NRF1: variants seen among roughly 807,000 people sequenced by gnomAD.
NRF1 encodes alpha palindromic-binding protein.
In NRF1, 5 loss-of-function variants were observed where a neutral mutation model predicts 58.5. The ratio of observed to expected loss-of-function variants is 0.09; its 90% CI spans 0.04 to 0.18. The LOEUF (loss-of-function observed/expected upper bound fraction) is 0.18. NRF1 is among the 10% of genes least tolerant of loss of function. NRF1 has a pLI of 1.00. For missense variants in NRF1, 288 were observed against 657.7 expected (o/e 0.44, Z 6.15); for synonymous variants, 224 against 246.7 (o/e 0.91, Z 0.86).
chr7:129,630,066 AT>A (rs1267580477), intron 1 of NRF1: 9 of 152,236 alleles, frequency 5.9e-5, no homozygotes, highest in African/African-American at 1.9e-4. Flanking sequence ...TCATCCTAAT[AT>A]CCCCTTTCAG....
chr7:129,713,606 C>T (rs1803125302), intron 8 of NRF1, among the ~76,000 whole-genome samples: 1 of 152,208 alleles, frequency 6.6e-6, no homozygotes, highest in Admixed American at 6.5e-5. Flanking sequence ...GTGCCAGGCA[C>T]TGTAGAGACT....
chr7:129,752,185 T>G (rs1407877087), intron 10 of NRF1, among the ~76,000 whole-genome samples: 4 of 152,202 alleles, frequency 2.6e-5, no homozygotes, highest in Non-Finnish European at 5.9e-5. Flanking sequence ...TCCCTGGGCC[T>G]CCTGTGAATC....
intron 4 of NRF1, among the ~76,000 whole-genome samples, chr7:129,687,853 A>T (rs189339744): frequency 6.6e-6 from 1 of 152,358 alleles, no homozygotes; most frequent in Non-Finnish European, 1.5e-5. Flanking sequence ...TGAGGTCAGT[A>T]ATTCTGAGAA....
intron 4 of NRF1, among the ~76,000 whole-genome samples, chr7:129,686,656 A>G (rs970025156): frequency 1.8e-4 from 27 of 152,406 alleles, no homozygotes; most frequent in East Asian, 9.6e-4. Flanking sequence ...TAAGTGCTCA[A>G]TAAACGGTGT....
intron 1 of NRF1, among the ~76,000 whole-genome samples, chr7:129,646,106 G>C (rs1013920602): frequency 6.6e-6 from 1 of 152,114 alleles, no homozygotes; most frequent in Non-Finnish European, 1.5e-5. Flanking sequence ...TGCCTCCCAA[G>C]GTGTTAGGAT....
At chr7:129,735,580 C>T (rs549285655) in intron 10 of NRF1, among the ~76,000 whole-genome samples, 1 of 152,272 alleles carries the variant, frequency 6.6e-6, no homozygotes, top group East Asian at 1.9e-4. Flanking sequence ...GATGACAAGG[C>T]ATTGTCATTA....
chr7:129,652,541 T>C (rs1801559763), intron 1 of NRF1, among the ~76,000 whole-genome samples: 1 of 152,210 alleles, frequency 6.6e-6, no homozygotes, highest in African/African-American at 2.4e-5. Context: ...TAATACAGGC[T>C]GGTTATATTA....
chr7:129,616,769 T>C (rs1800668389), intron 1 of NRF1, among the ~76,000 whole-genome samples: 1 of 152,192 alleles, frequency 6.6e-6, no homozygotes, highest in Non-Finnish European at 1.5e-5. Flanking sequence ...ATAGTTTGTG[T>C]AAAACTCCAA....
chr7:129,696,084 A>AAAC (rs56241025), intron 5 of NRF1, among the ~76,000 whole-genome samples: 26,405 of 110,704 alleles, frequency 0.24, 5,302 homozygotes, highest in East Asian at 0.51. Flanking sequence ...AAAAAAAAAA[A>AAAC]AACAACCAAA....
chr7:129,703,523 C>G (rs1243761945), intron 5 of NRF1, among the ~76,000 whole-genome samples: 1 of 152,064 alleles, frequency 6.6e-6, no homozygotes, highest in Non-Finnish European at 1.5e-5. Context: ...TATTAATAGT[C>G]TCTTTAGCCT....
Position 129,651,293 on chromosome 7 carries a change from A to G in NRF1, c.-6-6053A>G, listed in dbSNP as rs185021654. Among the ~76,000 whole-genome samples, 3 of 152,060 alleles carry G rather than the reference A, an allele frequency of 2.0e-5. No individual in the cohort carries two copies. The East Asian group carries it at 5.8e-4, about 29-fold the overall frequency. On this transcript the variant is annotated intron_variant, in intron 1 of 10. Transcript: ENST00000393232. Reference sequence around the variant, plus strand: ...AAAAATCAGCTGGGCTTGGTGGTGCACTTGTAATCCTAGCTACTTGGGAGG... The same window carrying G: ...AAAAATCAGCTGGGCTTGGTGGTGCGCTTGTAATCCTAGCTACTTGGGAGG...
chr7:129,731,995 C>T (rs1182385193), intron 10 of NRF1, among the ~76,000 whole-genome samples: 4 of 152,118 alleles, frequency 2.6e-5, no homozygotes, highest in Admixed American at 2.6e-4. Context: ...ACAGTTCAGC[C>T]CATTTGTTTT....
At chr7:129,620,288 G>A (rs531677206) in intron 1 of NRF1, among the ~76,000 whole-genome samples, 1 of 152,120 alleles carries the variant, frequency 6.6e-6, no homozygotes, top group East Asian at 1.9e-4. Flanking sequence ...TCAAGTCTCT[G>A]GATTGCTTGG....
intron 3 of NRF1, among the ~76,000 whole-genome samples, chr7:129,673,085 G>GGA (rs765998463): frequency 2.0e-5 from 3 of 152,140 alleles, no homozygotes; most frequent in Non-Finnish European, 2.9e-5. Context: ...GTGTCAGGAA[G>GGA]GAGAGCATGT....
chr7:129,749,711 G>A (rs751844995), intron 10 of NRF1, among the ~76,000 whole-genome samples: 1 of 152,024 alleles, frequency 6.6e-6, no homozygotes, highest in Non-Finnish European at 1.5e-5. Context: ...AAGTGTTTAA[G>A]GACATTCTAA....
At chr7:129,656,311 T>C (rs1472001603) in intron 1 of NRF1, among the ~76,000 whole-genome samples, 1 of 152,178 alleles carries the variant, frequency 6.6e-6, no homozygotes, top group African/African-American at 2.4e-5. Context: ...GTAGATCTGT[T>C]ATGTTTTGAC....
chr7:129,703,451 C>T (rs142680080), intron 5 of NRF1, among the ~76,000 whole-genome samples: 135 of 152,318 alleles, frequency 8.9e-4, no homozygotes, highest in African/African-American at 3.0e-3. Context: ...AATGAGAGCA[C>T]AGTTCCGAAT....
At chr7:129,620,366 A>G (rs1388406327) in intron 1 of NRF1, among the ~76,000 whole-genome samples, 1 of 148,478 alleles carries the variant, frequency 6.7e-6, no homozygotes, top group African/African-American at 2.5e-5. Context: ...AGTAGGCTTT[A>G]TGGGGTAGGG....
chr7:129,614,493 T>A (rs1223571447), intron 1 of NRF1, among the ~76,000 whole-genome samples: 1 of 118,218 alleles, frequency 8.5e-6, no homozygotes, highest in South Asian at 2.6e-4. Context: ...TTTTTTTTTT[T>A]AAGTTAGAGA....
Sources: gnomAD v4.1 joint callset for allele counts (sites outside exome capture counted in the v4.1 genomes callset) on GRCh38, gnomAD v4.1.1 for gene constraint, MANE v1.5 for transcripts, NCBI Gene and HGNC (gene_info 2026-07-23, HGNC 2026-07-21) for gene names.